FRY: variants seen among roughly 807,000 people sequenced by gnomAD.
The protein encoded by FRY is protein furry homolog.
A neutral mutation model predicts 348.4 loss-of-function variants in FRY; 128 were observed. The ratio of observed to expected loss-of-function variants is 0.37; its 90% CI spans 0.32 to 0.43. The LOEUF (loss-of-function observed/expected upper bound fraction) is 0.43, where lower values mean the gene tolerates loss of function less well. Among genes scored for constraint, FRY ranks in the 20% least tolerant of loss-of-function variants. FRY has a pLI of 1.00. For missense variants in FRY, 2,736 were observed against 3,695.2 expected (o/e 0.74, Z 6.73); for synonymous variants, 1,370 against 1,374.7 (o/e 1.00, Z 0.08).
At chr13:32,249,341 T>C (rs965692912) in intron 48 of FRY, among the ~76,000 whole-genome samples, 185 bp from the exon 49 acceptor site, 3 of 152,216 alleles carry the variant, frequency 2.0e-5, no homozygotes, top group Non-Finnish European at 4.4e-5. Flanking sequence ...GGAGGAAATG[T>C]TGAAGATGAA....
chr13:32,286,866 A>C (rs1045778096), intron 58 of FRY, among the ~76,000 whole-genome samples: 2 of 150,238 alleles, frequency 1.3e-5, no homozygotes, highest in Non-Finnish European at 3.0e-5. Context: ...ACTTTTAGAA[A>C]TTGTCTATTG....
At chr13:32,292,790 C>A (rs1433916294) in intron 59 of FRY, among the ~76,000 whole-genome samples, 9 of 141,016 alleles carry the variant, frequency 6.4e-5, no homozygotes, top group African/African-American at 1.6e-4. Context: ...GACTCCATCT[C>A]AATAAATAAA....
intron 35 of FRY, among the ~76,000 whole-genome samples, chr13:32,213,859 T>C (rs911351145): frequency 6.6e-6 from 1 of 152,186 alleles, no homozygotes; most frequent in Non-Finnish European, 1.5e-5. Context: ...GCCAGTAATC[T>C]CTCTAATATC....
intron 52 of FRY, 37 bp downstream of exon 52, chr13:32,261,853 C>T (rs1417557582): frequency 1.9e-6 from 3 of 1,578,176 alleles, no homozygotes; most frequent in African/African-American, 2.7e-5. Flanking sequence ...AATTGGGAGG[C>T]TTATTTTTTG....
At chr13:32,264,224 G>A (rs1443203150) in intron 53 of FRY, among the ~76,000 whole-genome samples, 1 of 152,192 alleles carries the variant, frequency 6.6e-6, no homozygotes, top group Admixed American at 6.6e-5. Flanking sequence ...CCAGGCACCA[G>A]TGGCCAGCCT....
intron 55 of FRY, among the ~76,000 whole-genome samples, chr13:32,274,591 C>T (rs1450326010): frequency 6.6e-6 from 1 of 150,380 alleles, no homozygotes; most frequent in East Asian, 2.0e-4. Flanking sequence ...GTAGTCCCAG[C>T]TACTCGGGAG....
At chr13:32,188,339 C>T (rs575072592) in intron 28 of FRY, among the ~76,000 whole-genome samples, 299 of 152,126 alleles carry the variant, frequency 2.0e-3, no homozygotes, top group African/African-American at 6.6e-3. Flanking sequence ...GAAGAAAATT[C>T]GTGACTTTTA....
intron 34 of FRY, 68 bp from the exon 35 acceptor site, chr13:32,212,224 T>G: frequency 9.4e-6 from 8 of 854,516 alleles, no homozygotes; most frequent in African/African-American, 1.7e-5. Flanking sequence ...TGGAATTACT[T>G]GAGACTTGAG....
intron 15 of FRY, among the ~76,000 whole-genome samples, chr13:32,156,034 T>C (rs898218634): frequency 3.3e-5 from 5 of 152,212 alleles, no homozygotes; most frequent in Admixed American, 1.3e-4. Context: ...TTAAACATGT[T>C]AAATTTAGTT....
At chr13:32,254,483 TG>T in intron 51 of FRY, 89 bp downstream of exon 51, 1 of 1,181,030 alleles carries the variant, frequency 8.5e-7, no homozygotes. Context: ...AATGAGTTTT[TG>T]TAACAAGATC....
At chr13:32,262,745 G>A (rs1010069737) in intron 53 of FRY, among the ~76,000 whole-genome samples, 2 of 152,172 alleles carry the variant, frequency 1.3e-5, no homozygotes, top group Non-Finnish European at 1.5e-5. Flanking sequence ...GAACACTGCT[G>A]GTGGATGGCA....
At chr13:32,117,921 G>A (rs936757466) in intron 4 of FRY, among the ~76,000 whole-genome samples, 4 of 152,140 alleles carry the variant, frequency 2.6e-5, no homozygotes, top group Non-Finnish European at 5.9e-5. Flanking sequence ...CCACTATTTA[G>A]CCATGTGACT....
intron 36 of FRY, 137 bp downstream of exon 36, chr13:32,218,968 G>C: frequency 1.5e-6 from 1 of 661,878 alleles, no homozygotes; most frequent in Non-Finnish European, 2.7e-6. Context: ...CACCTATGCA[G>C]ATGAGCATAG....
At chr13:32,152,322 G>A (rs1880846926) in intron 14 of FRY, among the ~76,000 whole-genome samples, 1 of 152,160 alleles carries the variant, frequency 6.6e-6, no homozygotes, top group Non-Finnish European at 1.5e-5. Flanking sequence ...ACATAATTTT[G>A]TAAAAGAAGA....
chr13:32,202,004 CAG>C lies in FRY; in HGVS notation c.3816_3817del (p.Glu1272AspfsTer3). 6.2e-7 allele frequency: 1 copy of C among 1,605,608 alleles called. No individual in the cohort carries two copies. The highest frequency in any genetic ancestry group is 8.5e-7 in the Non-Finnish European group (1 of 1,172,318). ...LVLFKASDTNREIYEISMQLM... is the reference protein window; with the variant it reads ...LVLFKASDTNXEIYEISMQLM... ...TTCTATTCAAGGCCTCTGACACCAA[CAG>C]AGAGATTTATGAAATCTCCATGCAG... On this transcript the variant is annotated frameshift_variant, in exon 30 of 61. Transcript: ENST00000542859. LOFTEE classifies it high-confidence loss of function.
chr13:32,079,499 G>T (rs1045870601), intron 2 of FRY, among the ~76,000 whole-genome samples: 2 of 152,182 alleles, frequency 1.3e-5, no homozygotes, highest in African/African-American at 2.4e-5. Flanking sequence ...TATTGTCAGA[G>T]AAAGTGTTTT....
intron 1 of FRY, among the ~76,000 whole-genome samples, chr13:32,040,976 C>T (rs1458817314): frequency 6.6e-6 from 1 of 152,132 alleles, no homozygotes; most frequent in Non-Finnish European, 1.5e-5. Flanking sequence ...ATGCCTACAG[C>T]TTAGGTAGAA....
chr13:32,203,470 AATC>A (rs1480573181), intron 31 of FRY, among the ~76,000 whole-genome samples: 1 of 152,182 alleles, frequency 6.6e-6, no homozygotes, highest in Admixed American at 6.5e-5. Context: ...TCACACCCGT[AATC>A]CCAACACTGG....
chr13:32,087,859 T>C (rs550924372), intron 2 of FRY, among the ~76,000 whole-genome samples: 1 of 152,188 alleles, frequency 6.6e-6, no homozygotes, highest in African/African-American at 2.4e-5. Context: ...AATGACTACC[T>C]CTAATTAAGT....
Sources: allele counts gnomAD v4.1 joint callset (sites outside exome capture counted in the v4.1 genomes callset), GRCh38; gene constraint gnomAD v4.1.1; transcripts MANE v1.5; gene names NCBI Gene and HGNC (gene_info 2026-07-23, HGNC 2026-07-21).